TBCD: variants seen among roughly 807,000 people sequenced by gnomAD.
TBCD encodes the protein tubulin-specific chaperone D.
In TBCD, 105 loss-of-function variants were observed where a neutral mutation model predicts 169.3. The observed-to-expected ratio is 0.62, with a 90% CI of 0.53 to 0.73. TBCD has a LOEUF of 0.73. Among genes scored for constraint, TBCD ranks in the 30% least tolerant of loss-of-function variants. The pLI is 0.00. For synonymous variants in TBCD, 700 were observed against 643.9 expected (o/e 1.09, Z -1.32); for missense variants, 1,444 against 1,600.1 (o/e 0.90, Z 1.66).
intron 3 of TBCD, among the ~76,000 whole-genome samples, chr17:82,764,390 A>C (rs1035863264): frequency 6.6e-6 from 1 of 152,194 alleles, no homozygotes; most frequent in African/African-American, 2.4e-5. Flanking sequence ...CATGCCTGTA[A>C]TCCCAGCACT....
At chr17:82,797,884 T>C (rs7215396) in intron 8 of TBCD, 82 bp downstream of exon 8, 22 of 1,122,414 alleles carry the variant, frequency 2.0e-5, no homozygotes, top group Middle Eastern at 2.0e-4. Context: ...TAACATTTTA[T>C]TCATAGATAT....
Position 82,791,091 on chromosome 17 carries a change from C to CTTTT in TBCD, c.772-6650_772-6647dup, listed in dbSNP as rs35648641. 7.1e-3 allele frequency among the ~76,000 whole-genome samples: 886 copies of CTTTT among 124,604 alleles called. 22 individuals are homozygous for CTTTT. The highest frequency in any genetic ancestry group is 0.025 in the African/African-American group (804 of 32,318). 81.7% of individuals were successfully genotyped at this position (124,604 alleles called of 152,430 possible). A position where few individuals can be genotyped will look rare whatever the true frequency, so the allele number is the denominator to read the frequency against. On this transcript the variant is annotated intron_variant, in intron 7 of 38. Coordinates refer to ENST00000355528, the MANE Select transcript of TBCD (RefSeq NM_005993.5). Reference sequence around the variant, plus strand: ...GTGGCAGGAATTGTGTCTCTTGCATCTTTTTTTTTTTTTTTTTTTAGACGG... The same window carrying CTTTT: ...GTGGCAGGAATTGTGTCTCTTGCATCTTTTTTTTTTTTTTTTTTTTTTTAGACGG...
intron 6 of TBCD, among the ~76,000 whole-genome samples, chr17:82,774,971 T>G (rs2048498199): frequency 1.3e-5 from 2 of 152,256 alleles, no homozygotes; most frequent in Non-Finnish European, 2.9e-5. Context: ...GCTTTTATTC[T>G]TACTTTTCTT....
intron 13 of TBCD, among the ~76,000 whole-genome samples, chr17:82,845,685 T>G (rs1191163397): frequency 6.6e-6 from 1 of 152,214 alleles, no homozygotes; most frequent in Non-Finnish European, 1.5e-5. Context: ...TCCTCTCCAG[T>G]GCACTGTGTG....
At chr17:82,916,018 A>T (rs923244516) in intron 23 of TBCD, among the ~76,000 whole-genome samples, 1 of 152,162 alleles carries the variant, frequency 6.6e-6, no homozygotes, top group Admixed American at 6.5e-5. Flanking sequence ...ACAGGAGTTC[A>T]TTCGGATTTA....
At chr17:82,868,545 TAGTA>T (rs955536426) in intron 13 of TBCD, among the ~76,000 whole-genome samples, 10 of 152,226 alleles carry the variant, frequency 6.6e-5, no homozygotes, top group African/African-American at 2.4e-4. Flanking sequence ...TATGTAGTTT[TAGTA>T]AGTGTATAAA....
chr17:82,928,328 C>T (rs558145649), intron 30 of TBCD, among the ~76,000 whole-genome samples: 20 of 152,328 alleles, frequency 1.3e-4, no homozygotes, highest in South Asian at 4.1e-4. Flanking sequence ...CAGCTTAGGA[C>T]CCTGAACCTG....
chr17:82,829,123 A>C (rs1174196214), intron 13 of TBCD, among the ~76,000 whole-genome samples: 1 of 151,414 alleles, frequency 6.6e-6, no homozygotes, highest in Admixed American at 6.6e-5. Flanking sequence ...AGATATGCAC[A>C]CGTGCACACC....
rs559088401 is a variant in TBCD, at chr17:82,914,812, T to G, written c.2038+3023T>G. ...AGCCTTGGTGTCAACTCAGGTTTTT[T>G]TCTCCTCCTCGTTCATTTTTACACT... On this transcript the variant is annotated intron_variant, in intron 23 of 38. Coordinates refer to ENST00000355528, the MANE Select transcript of TBCD (RefSeq NM_005993.5). Among the ~76,000 whole-genome samples the G allele has an allele frequency of 1.5e-4, 23 of 152,316 alleles. 1 individual carries two copies. In the South Asian group the frequency reaches 4.6e-3, roughly 30 times the overall value.
chr17:82,921,006 C>T, intron 24 of TBCD: 1 of 276,312 alleles, frequency 3.6e-6, no homozygotes, highest in Non-Finnish European at 6.8e-6. Context: ...TCCAGTTCCT[C>T]AGCAGCCCCC....
At chr17:82,902,591 C>T (rs534627974) in intron 18 of TBCD, among the ~76,000 whole-genome samples, 2 of 152,360 alleles carry the variant, frequency 1.3e-5, no homozygotes, top group Admixed American at 6.5e-5. Context: ...GCAGGGCCCT[C>T]GGCCGACACC....
chr17:82,856,147 A>G (rs761947551), intron 13 of TBCD, among the ~76,000 whole-genome samples: 4 of 151,520 alleles, frequency 2.6e-5, no homozygotes, highest in Admixed American at 2.0e-4. Flanking sequence ...AGCAAAATTC[A>G]TATAGTAAGA....
At chr17:82,854,562 A>T (rs544976030) in intron 13 of TBCD, among the ~76,000 whole-genome samples, 4 of 152,284 alleles carry the variant, frequency 2.6e-5, no homozygotes, top group African/African-American at 9.6e-5. Context: ...GGGTGTACAG[A>T]TACTGTTGAA....
intron 7 of TBCD, among the ~76,000 whole-genome samples, chr17:82,788,331 A>C (rs1357088640): frequency 1.3e-5 from 2 of 152,040 alleles, no homozygotes; most frequent in Non-Finnish European, 2.9e-5. Flanking sequence ...TAGTGCTCTG[A>C]TTGGAAGATT....
At chr17:82,913,325 G>A (rs981024141) in intron 23 of TBCD, 8 of 152,274 alleles carry the variant, frequency 5.3e-5, no homozygotes, top group African/African-American at 1.9e-4. Context: ...CGTGTGCTGC[G>A]GGGTCTGCTT....
chr17:82,831,170 C>T lies in TBCD; in HGVS notation c.1318+16236C>T. Reference sequence around the variant, plus strand: ...GCCTTGTTGGAGAGGTCGTACAGGCCTTCGCAGGTCTGGCTCGTCTGCATG... The same window carrying T: ...GCCTTGTTGGAGAGGTCGTACAGGCTTTCGCAGGTCTGGCTCGTCTGCATG... On this transcript the variant is annotated intron_variant, in intron 13 of 38. Transcript: ENST00000355528. This position sits in a 1 kb window ranked among gnomAD's most constrained non-coding sequence, Gnocchi z 4.6. 1 of 1,614,150 alleles carries T rather than the reference C, an allele frequency of 6.2e-7. No homozygotes were observed. The highest frequency in any genetic ancestry group is 1.3e-5 in the African/African-American group (1 of 75,048).
In TBCD at chr17:82,831,601, AG is replaced by A; in HGVS notation, c.1318+16669del. 1 of 1,614,200 alleles carries A rather than the reference AG, an allele frequency of 6.2e-7. No individual in the cohort carries two copies. Among genetic ancestry groups the A allele is most frequent in the Non-Finnish European group, 8.5e-7 (1 of 1,180,030 alleles). ...CTTAGGGATCGGCCCCGGGTGAGGC[AG>A]GAAGTGTCTCGGGTCTTGGGTTCCG... On this transcript the variant is annotated intron_variant, in intron 13 of 38. Transcript: ENST00000355528. The surrounding 1 kb of genome is among the most constrained non-coding windows in gnomAD (Gnocchi z 4.6).
At chr17:82,781,196 C>T (rs1358282695) in intron 6 of TBCD, among the ~76,000 whole-genome samples, 1 of 150,920 alleles carries the variant, frequency 6.6e-6, no homozygotes, top group East Asian at 2.0e-4. Flanking sequence ...CACGTGGGCA[C>T]GGTGTCCTGA....
chr17:82,870,342 G>A lies in TBCD; in HGVS notation c.1437G>A (p.Glu479=). 1 of 1,613,424 alleles carries A rather than the reference G, an allele frequency of 6.2e-7. No individual in the cohort carries two copies. The highest frequency in any genetic ancestry group is 8.5e-7 in the Non-Finnish European group (1 of 1,179,860). ...GCTGGGCCTTCGCGCGTGCCTATGA[G>A]CCTCAGGAGCTGAAGCCCTTTGTGA... ...YVCWAFARAY[E]PQELKPFVTA... The change falls in exon 14 of 39, where the codon GAG becomes GAA. Residue 479 remains glutamate, a synonymous_variant. Coordinates refer to ENST00000355528, the MANE Select transcript of TBCD (RefSeq NM_005993.5).
Sources: allele counts gnomAD v4.1 joint callset (sites outside exome capture counted in the v4.1 genomes callset), GRCh38; gene constraint gnomAD v4.1.1; non-coding constraint Gnocchi (gnomAD v3.1); transcripts MANE v1.5; gene names NCBI Gene and HGNC (gene_info 2026-07-23, HGNC 2026-07-21).